Variants in UNC5D observed in about 807,000 individuals in gnomAD.
UNC5D encodes netrin receptor UNC5D.
In UNC5D, 39 loss-of-function variants were observed where a neutral mutation model predicts 105.4. That is an observed-to-expected ratio of 0.37 (90% CI 0.29 to 0.48). The LOEUF (loss-of-function observed/expected upper bound fraction) is 0.48, where lower values mean the gene tolerates loss of function less well. UNC5D is among the 20% of genes least tolerant of loss of function. The pLI is 0.98. For missense variants in UNC5D, 991 were observed against 1,202.4 expected, an observed-to-expected ratio of 0.82 and a Z score of 2.60; for synonymous variants, 452 against 450.4, an observed-to-expected ratio of 1.00 and a Z score of -0.04.
intron 3 of UNC5D, among the ~76,000 whole-genome samples, chr8:35,595,252 C>T (rs1244745841): frequency 6.6e-6 from 1 of 152,138 alleles, no homozygotes; most frequent in Non-Finnish European, 1.5e-5. Flanking sequence ...GCAGATAATG[C>T]TGGCAAAGAC....
At chr8:35,611,782 C>G (rs141562290) in intron 4 of UNC5D, among the ~76,000 whole-genome samples, 33 of 152,284 alleles carry the variant, frequency 2.2e-4, no homozygotes, top group African/African-American at 7.5e-4. Flanking sequence ...CCAATTTGCT[C>G]TTTTCAAAAC....
At chr8:35,332,883 A>G (rs997283627) in intron 1 of UNC5D, among the ~76,000 whole-genome samples, 1 of 152,238 alleles carries the variant, frequency 6.6e-6, no homozygotes, top group African/African-American at 2.4e-5. Flanking sequence ...TTAACTGTGC[A>G]AACATAGCTG....
intron 4 of UNC5D, among the ~76,000 whole-genome samples, chr8:35,634,739 C>G (rs1178020665): frequency 1.3e-5 from 2 of 151,556 alleles, no homozygotes; most frequent in Admixed American, 1.3e-4. Context: ...TGTTTTTCTC[C>G]CTCTGGATTT....
chr8:35,269,041 A>T (rs2128831322), intron 1 of UNC5D, among the ~76,000 whole-genome samples: 1 of 152,344 alleles, frequency 6.6e-6, no homozygotes, highest in Admixed American at 6.5e-5. Flanking sequence ...ATTACAAAAT[A>T]ACTAGAAGAG....
In UNC5D at chr8:35,621,407, C is replaced by G. The variant is rs950980905; in HGVS notation, c.570+25750C>G. The stretch of plus-strand genomic sequence containing the variant: ...CAGAAAATATATGTTGAAGGAATGC[C>G]TAATTGACAAGACTAGGCAAAAAGC... On this transcript the variant is annotated intron_variant, in intron 4 of 16. Coordinates refer to ENST00000404895, the MANE Select transcript of UNC5D (RefSeq NM_080872.4). Among the ~76,000 whole-genome samples, 9 of 152,062 alleles carry G rather than the reference C, an allele frequency of 5.9e-5. No individual in the cohort carries two copies. In the East Asian group the frequency reaches 1.7e-3, roughly 29 times the overall value.
At chr8:35,611,772 C>A (rs1391385198) in intron 4 of UNC5D, among the ~76,000 whole-genome samples, 3 of 152,294 alleles carry the variant, frequency 2.0e-5, no homozygotes, top group South Asian at 2.1e-4. Flanking sequence ...TTAGCTAAAA[C>A]CAATTTGCTC....
chr8:35,584,725 A>G (rs1272627290), intron 3 of UNC5D, among the ~76,000 whole-genome samples: 1 of 151,930 alleles, frequency 6.6e-6, no homozygotes, highest in South Asian at 2.1e-4. Flanking sequence ...TCCTGGAATT[A>G]CAAGCAAAAG....
intron 1 of UNC5D, among the ~76,000 whole-genome samples, chr8:35,316,648 C>T (rs907065501): frequency 6.6e-6 from 1 of 152,038 alleles, no homozygotes; most frequent in Non-Finnish European, 1.5e-5. Context: ...AATCCCTGGC[C>T]TTTTGATTTT....
chr8:35,273,241 G>A (rs1319239600), intron 1 of UNC5D, among the ~76,000 whole-genome samples: 1 of 152,194 alleles, frequency 6.6e-6, no homozygotes, highest in African/African-American at 2.4e-5. Flanking sequence ...AAATAAAACA[G>A]CACTTCCCGA....
chr8:35,622,382 C>A (rs1821415486), intron 4 of UNC5D, among the ~76,000 whole-genome samples: 1 of 152,006 alleles, frequency 6.6e-6, no homozygotes, highest in Non-Finnish European at 1.5e-5. Context: ...CAAAAAACTC[C>A]TGAGAGGGAG....
chr8:35,600,532 C>T (rs537693478), intron 4 of UNC5D, among the ~76,000 whole-genome samples: 81 of 152,306 alleles, frequency 5.3e-4, no homozygotes, highest in African/African-American at 1.9e-3. Context: ...TTTTGATTTG[C>T]ATTTCTCTGA....
At chr8:35,672,323 G>T (rs564107118) in intron 4 of UNC5D, among the ~76,000 whole-genome samples, 2 of 152,120 alleles carry the variant, frequency 1.3e-5, no homozygotes, top group African/African-American at 4.8e-5. Flanking sequence ...AATGGAGGGA[G>T]GGGGTAAATG....
At chr8:35,566,268 A>G (rs1366348520) in intron 2 of UNC5D, among the ~76,000 whole-genome samples, 1 of 152,142 alleles carries the variant, frequency 6.6e-6, no homozygotes, top group Non-Finnish European at 1.5e-5. Context: ...CATAAATAAC[A>G]CGTTATTAAT....
In UNC5D at chr8:35,726,653, G is replaced by T. The variant is rs749069898; in HGVS notation, c.1681+124G>T. On this transcript the variant is annotated intron_variant, in intron 10 of 16. Transcript: ENST00000404895. ...CCCTCATCAGACCTGCAAACACTGC[G>T]GCTCCACTAGTCCACTTGATTTACA... is the stretch of plus-strand genomic sequence containing the variant. 8 of 1,417,262 alleles carry T rather than the reference G, an allele frequency of 5.6e-6. No individual in the cohort carries two copies. In the African/African-American group the frequency reaches 1.1e-4, roughly 20 times the overall value. 87.8% of individuals were successfully genotyped at this position (1,417,262 alleles called of 1,614,324 possible).
In UNC5D at chr8:35,506,009, A is replaced by G. The variant is rs568381419; in HGVS notation, c.104-43283A>G. On this transcript the variant is annotated intron_variant, in intron 1 of 16. Transcript: ENST00000404895. ...CCTTGACGTGTGTTTAGCTATTGTC[A>G]TTATTTTCAATTATTTTTCTTGCTT... 1.2e-3 allele frequency among the ~76,000 whole-genome samples: 184 copies of G among 152,338 alleles called. 1 individual carries two copies. The highest frequency in any genetic ancestry group is 3.4e-3 in the Middle Eastern group (1 of 294).
At chr8:35,747,970 G>A (rs908602716) in intron 11 of UNC5D, among the ~76,000 whole-genome samples, 9 of 152,180 alleles carry the variant, frequency 5.9e-5, no homozygotes, top group African/African-American at 1.9e-4. Context: ...TGCTATATAA[G>A]CTATGTATTT....
chr8:35,415,593 C>T (rs1805476008), intron 1 of UNC5D, among the ~76,000 whole-genome samples: 2 of 152,132 alleles, frequency 1.3e-5, no homozygotes, highest in South Asian at 2.1e-4. Flanking sequence ...TTCTCTTACA[C>T]ATTGACCATG....
chr8:35,393,125 C>CTTTTTTTTTTT, intron 1 of UNC5D, among the ~76,000 whole-genome samples: 1 of 75,068 alleles, frequency 1.3e-5, no homozygotes, highest in South Asian at 5.5e-4. Flanking sequence ...CCTATTCCTA[C>CTTTTTTTTTTT]TTTTTTTTTT....
intron 1 of UNC5D, among the ~76,000 whole-genome samples, chr8:35,403,456 C>T (rs565878665): frequency 2.6e-5 from 4 of 152,306 alleles, no homozygotes; most frequent in South Asian, 2.1e-4. Context: ...ACAGAGTCTT[C>T]GGAAGTACCT....
Sources: gnomAD v4.1 joint callset for allele counts (sites outside exome capture counted in the v4.1 genomes callset) on GRCh38, gnomAD v4.1.1 for gene constraint, MANE v1.5 for transcripts, NCBI Gene and HGNC (gene_info 2026-07-23, HGNC 2026-07-21) for gene names.